PCED1B: variants seen among roughly 807,000 people sequenced by gnomAD.
PCED1B encodes the protein PC-esterase domain-containing protein 1B.
For missense variants in PCED1B, 573 were observed against 573.9 expected (o/e 1.00, Z 0.02); for synonymous variants, 251 against 246.1 (o/e 1.02, Z -0.19).
intron 2 of PCED1B, among the ~76,000 whole-genome samples, chr12:47,150,201 C>A (rs912651566): frequency 2.0e-5 from 3 of 152,028 alleles, no homozygotes; most frequent in African/African-American, 7.2e-5. Context: ...TAGAACAGTT[C>A]CAGGTACTGC....
At chr12:47,143,262 A>G (rs1404821) in intron 2 of PCED1B, among the ~76,000 whole-genome samples, 87,156 of 151,914 alleles carry the variant, frequency 0.57, 25,805 homozygotes, top group Admixed American at 0.64. Flanking sequence ...AATTGGAATG[A>G]TAAAAGGTAA....
chr12:47,195,340 A>T (rs1592268181), intron 2 of PCED1B, among the ~76,000 whole-genome samples: 1 of 151,894 alleles, frequency 6.6e-6, no homozygotes, highest in East Asian at 1.9e-4. Context: ...AAAAAAAAAA[A>T]AGAAAAAAAG....
chr12:47,082,034 T>G (rs1033978714), intron 1 of PCED1B, among the ~76,000 whole-genome samples: 1 of 152,224 alleles, frequency 6.6e-6, no homozygotes, highest in Non-Finnish European at 1.5e-5. Flanking sequence ...GGAAGAACGT[T>G]GTAAAAGGAT....
chr12:47,175,369 A>G (rs11183774), intron 2 of PCED1B, among the ~76,000 whole-genome samples: 44,876 of 151,996 alleles, frequency 0.3, 7,088 homozygotes, highest in Admixed American at 0.4. Context: ...CTTGCACAGT[A>G]TCTTTATATC....
intron 3 of PCED1B, among the ~76,000 whole-genome samples, chr12:47,217,520 A>G (rs1478553146): frequency 8.4e-6 from 1 of 119,014 alleles, no homozygotes; most frequent in Admixed American, 7.4e-5. Flanking sequence ...AAGAAAGAAG[A>G]AAGAGAAAGA....
chr12:47,097,408 A>T (rs947625346), intron 1 of PCED1B, among the ~76,000 whole-genome samples: 1 of 152,198 alleles, frequency 6.6e-6, no homozygotes, highest in Non-Finnish European at 1.5e-5. Context: ...TTTCCTCATG[A>T]CTGGAAGCCC....
chr12:47,168,702 T>C (rs910354657), intron 2 of PCED1B, among the ~76,000 whole-genome samples: 2 of 152,202 alleles, frequency 1.3e-5, no homozygotes, highest in Non-Finnish European at 2.9e-5. Context: ...AAATAGTAGT[T>C]CTTGCCATTG....
At chr12:47,184,158 C>T (rs913558310) in intron 2 of PCED1B, among the ~76,000 whole-genome samples, 1 of 152,100 alleles carries the variant, frequency 6.6e-6, no homozygotes, top group African/African-American at 2.4e-5. Context: ...GATTGCACCG[C>T]ACCAGGCCAA....
chr12:47,127,871 A>G (rs745708937), intron 2 of PCED1B, among the ~76,000 whole-genome samples: 1 of 152,138 alleles, frequency 6.6e-6, no homozygotes. Flanking sequence ...ATTGATTGAT[A>G]GTGTTGTTCA....
intron 3 of PCED1B, among the ~76,000 whole-genome samples, chr12:47,231,653 G>C (rs1943812015): frequency 1.3e-5 from 2 of 152,138 alleles, no homozygotes; most frequent in Non-Finnish European, 2.9e-5. Flanking sequence ...TTTTGGACTT[G>C]AACTTATATC....
At chr12:47,176,560 C>A (rs1941931018) in intron 2 of PCED1B, among the ~76,000 whole-genome samples, 1 of 152,234 alleles carries the variant, frequency 6.6e-6, no homozygotes, top group East Asian at 1.9e-4. Flanking sequence ...GCATCTCTTC[C>A]ATCTGGCTGT....
rs1045953800 is a variant in PCED1B, at chr12:47,215,910, C to T, written c.-525-312C>T. Among the ~76,000 whole-genome samples, 8 of 151,212 alleles carry T rather than the reference C, an allele frequency of 5.3e-5. No homozygotes were observed. In the East Asian group the frequency reaches 1.4e-3, roughly 26 times the overall value. On this transcript the variant is annotated intron_variant, in intron 2 of 3. Coordinates refer to ENST00000546455, the MANE Select transcript of PCED1B (RefSeq NM_138371.3). The stretch of plus-strand genomic sequence containing the variant: ...TCTCTACTAAAAATACAAAATCAGC[C>T]GGGTGTGGTGGTGGGTGCATGTAGT...
intron 2 of PCED1B, among the ~76,000 whole-genome samples, chr12:47,149,571 C>G (rs1940914040): frequency 6.6e-6 from 1 of 152,150 alleles, no homozygotes; most frequent in South Asian, 2.1e-4. Flanking sequence ...ACTCTGGAGC[C>G]CGTCAACCTG....
At chr12:47,080,442 G>A (rs1937636621) in intron 1 of PCED1B, among the ~76,000 whole-genome samples, 2 of 152,116 alleles carry the variant, frequency 1.3e-5, no homozygotes, top group Admixed American at 1.3e-4. Flanking sequence ...TGACTGTCTG[G>A]GTTTACAAAA....
chr12:47,093,119 A>C (rs576131691), intron 1 of PCED1B, among the ~76,000 whole-genome samples: 1 of 152,090 alleles, frequency 6.6e-6, no homozygotes, highest in South Asian at 2.1e-4. Flanking sequence ...ATCTGAGCCC[A>C]GGCTTTTCTT....
chr12:47,196,517 T>G (rs1049280724), intron 2 of PCED1B, among the ~76,000 whole-genome samples: 2 of 152,250 alleles, frequency 1.3e-5, no homozygotes, highest in Admixed American at 6.5e-5. Flanking sequence ...TTAAAAACAC[T>G]GAAAAACTTC....
At chr12:47,188,336 A>G (rs7975506) in intron 2 of PCED1B, among the ~76,000 whole-genome samples, 4,592 of 152,258 alleles carry the variant, frequency 0.03, 231 homozygotes, top group African/African-American at 0.11. Flanking sequence ...TGTCCCACAC[A>G]AAAGCCCTAT....
intron 3 of PCED1B, among the ~76,000 whole-genome samples, chr12:47,224,937 G>A (rs1268184982): frequency 1.3e-5 from 2 of 151,978 alleles, no homozygotes; most frequent in Admixed American, 6.6e-5. Flanking sequence ...TTTCTTTTTC[G>A]TTTTCTTTTT....
chr12:47,124,331 G>A (rs917159335), intron 2 of PCED1B, among the ~76,000 whole-genome samples: 1 of 152,052 alleles, frequency 6.6e-6, no homozygotes, highest in Admixed American at 6.5e-5. Flanking sequence ...ATTCATGCAT[G>A]TTGTTTTATG....
Sources: allele counts gnomAD v4.1 joint callset (sites outside exome capture counted in the v4.1 genomes callset), GRCh38; gene constraint gnomAD v4.1.1; transcripts MANE v1.5; gene names NCBI Gene and HGNC (gene_info 2026-07-23, HGNC 2026-07-21).